AKNAD1: variants seen among roughly 807,000 people sequenced by gnomAD.
AKNAD1 encodes the protein AKNA domain containing 1.
A neutral mutation model predicts 90.8 loss-of-function variants in AKNAD1; 67 were observed. The observed-to-expected ratio is 0.74, with a 90% confidence interval of 0.61 to 0.90. The LOEUF is 0.90. Ranked by LOEUF, AKNAD1 falls within the 40% of genes least tolerant of loss-of-function variation. The pLI is 0.00. For synonymous variants in AKNAD1, 327 were observed against 341.4 expected (o/e 0.96, Z 0.46); for missense variants, 957 against 975.4 (o/e 0.98, Z 0.25).
At chr1:108,856,161 T>C (rs1665031789) in intron 1 of AKNAD1, among the ~76,000 whole-genome samples, 2 of 152,080 alleles carry the variant, frequency 1.3e-5, no homozygotes, top group Non-Finnish European at 2.9e-5. Context: ...CCTGAGAGTA[T>C]GTTTAAATGC....
In AKNAD1 at chr1:108,853,574, C is replaced by G. The variant is rs1038890920; in HGVS notation, c.-103-807G>C. ...GTGCCTTTTCACCTGTCCCTCCAGA[C>G]CTTCTGGTCCCCTTCTCCTGACTTT... On this transcript the variant is annotated intron_variant, in intron 1 of 15. Coordinates refer to ENST00000370001, the MANE Select transcript of AKNAD1 (RefSeq NM_152763.5). Among the ~76,000 whole-genome samples the G allele has an allele frequency of 5.3e-5, 8 of 152,210 alleles. 1 individual carries two copies. The highest frequency in any genetic ancestry group is 5.2e-4 in the Admixed American group (8 of 15,282).
chr1:108,840,037 C>T (rs1664497018), intron 6 of AKNAD1, among the ~76,000 whole-genome samples: 1 of 150,936 alleles, frequency 6.6e-6, no homozygotes. Context: ...AAAAAAAATG[C>T]TGTCTTTCAC....
At chr1:108,854,546 G>T (rs565949033) in intron 1 of AKNAD1, among the ~76,000 whole-genome samples, 2 of 152,210 alleles carry the variant, frequency 1.3e-5, no homozygotes, top group South Asian at 2.1e-4. Flanking sequence ...TGTGGTAAAA[G>T]CATCTGTGAG....
chr1:108,846,860 G>A (rs1004174759), intron 5 of AKNAD1, among the ~76,000 whole-genome samples: 5 of 151,898 alleles, frequency 3.3e-5, no homozygotes, highest in Non-Finnish European at 4.4e-5. Context: ...TCAACTTGAC[G>A]TCTTGCCTCC....
At chr1:108,828,058 C>A (rs1405621140) in intron 10 of AKNAD1, among the ~76,000 whole-genome samples, 1 of 150,790 alleles carries the variant, frequency 6.6e-6, no homozygotes, top group Non-Finnish European at 1.5e-5. Flanking sequence ...TCAAGGTCAG[C>A]CAGGGCAACA....
At chr1:108,836,681 T>G (rs955399505) in intron 7 of AKNAD1, 4 of 152,246 alleles carry the variant, frequency 2.6e-5, no homozygotes, top group Non-Finnish European at 4.4e-5. Context: ...AGTTTGAATA[T>G]CAGCCCCAGG....
In AKNAD1 at chr1:108,852,208, A is replaced by C. The variant is rs769702411; in HGVS notation, c.457T>G (p.Ser153Ala). 3.7e-6 allele frequency: 6 copies of C among 1,613,354 alleles called. No homozygotes were observed. The highest frequency in any genetic ancestry group is 5.1e-6 in the Non-Finnish European group (6 of 1,179,696). ...GGCCAAGAATTCTTATTATAACATG[A>C]AATAATACTTTTAATAATAGCTTCC... ...EEEAIIKSII[S>A]CYNKNSWPKE... The change falls in exon 2 of 16, where the codon TCA becomes GCA. Residue 153 changes from serine (S) to alanine (A), a missense_variant. Transcript: ENST00000370001.
chr1:108,824,701 G>GT (rs1379487490), intron 11 of AKNAD1, among the ~76,000 whole-genome samples: 4 of 151,122 alleles, frequency 2.6e-5, no homozygotes, highest in African/African-American at 7.3e-5. Context: ...AACCTTCTGT[G>GT]TTTTTTTTGT....
chr1:108,818,086 G>C (rs1690740), intron 14 of AKNAD1, among the ~76,000 whole-genome samples: 42,964 of 151,804 alleles, frequency 0.28, 6,791 homozygotes, highest in East Asian at 0.69. Context: ...ATGGCTCTAG[G>C]GGGTTATTTG....
intron 14 of AKNAD1, among the ~76,000 whole-genome samples, chr1:108,820,304 CT>C (rs1293963456): frequency 2.0e-4 from 31 of 152,330 alleles, no homozygotes; most frequent in African/African-American, 7.5e-4. Flanking sequence ...AAAAAGTAAG[CT>C]CTGTGAGGGC....
At chr1:108,843,392 A>C in intron 5 of AKNAD1, 125 bp from the exon 6 acceptor site, 2 of 1,233,662 alleles carry the variant, frequency 1.6e-6, no homozygotes, top group Non-Finnish European at 2.2e-6. Flanking sequence ...TTCTCCCAGC[A>C]GCATAAATTG....
chr1:108,850,902 T>C (rs1033489008), intron 2 of AKNAD1, among the ~76,000 whole-genome samples: 4 of 129,836 alleles, frequency 3.1e-5, no homozygotes, highest in South Asian at 3.1e-4. Flanking sequence ...GTGTGAGAAG[T>C]TGGCGTAAGG....
rs145026740 is a variant in AKNAD1, at chr1:108,820,585, A to C, written c.2209T>G (p.Ser737Ala). ...PKRICSQRVNSKSFKGEHEPT... is the reference protein window; with the variant it reads ...PKRICSQRVNAKSFKGEHEPT... ...TCATGTTCACCTTTAAAGGATTTTG[A>C]ATTCACTCTCTGAGAACAGATCCGT... is the stretch of plus-strand genomic sequence containing the variant. The change falls in exon 14 of 16, where the codon TCA (serine) becomes GCA (alanine). Residue 737 changes from serine (S) to alanine (A), a missense_variant. Transcript: ENST00000370001. The C allele has an allele frequency of 1.6e-5, 25 of 1,611,698 alleles. No homozygotes were observed. The African/African-American group carries it at 2.8e-4, about 18-fold the overall frequency.
At chr1:108,822,686 A>G (rs1475788042) in intron 13 of AKNAD1, among the ~76,000 whole-genome samples, 1 of 152,182 alleles carries the variant, frequency 6.6e-6, no homozygotes, top group African/African-American at 2.4e-5. Flanking sequence ...CCAAGGATGT[A>G]GCGCCTGTCA....
intron 5 of AKNAD1, among the ~76,000 whole-genome samples, chr1:108,847,434 T>C (rs1664732442): frequency 6.8e-6 from 1 of 146,940 alleles, no homozygotes; most frequent in Non-Finnish European, 1.5e-5. Flanking sequence ...AGTGACAGAA[T>C]GAGACCGTGT....
At chr1:108,842,294 T>C (rs1664576072) in intron 6 of AKNAD1, among the ~76,000 whole-genome samples, 1 of 152,202 alleles carries the variant, frequency 6.6e-6, no homozygotes, top group Admixed American at 6.5e-5. Flanking sequence ...AACAATTCCA[T>C]ATTAAAATGC....
At chr1:108,824,211 T>C (rs948037687) in intron 11 of AKNAD1, among the ~76,000 whole-genome samples, 2 of 152,204 alleles carry the variant, frequency 1.3e-5, no homozygotes, top group African/African-American at 4.8e-5. Context: ...ACAGCATGTG[T>C]ATCTGGTGCA....
At position 108,823,587 on chromosome 1, in the gene AKNAD1, A is replaced by C; in HGVS notation, c.2038T>G (p.Cys680Gly). ...TTACCTTTAGTTGGTTCTTTCCTGCAGGCTCTTCGGGAGGTAGGAATCTTA... is the reference window on the plus strand; with the variant it reads ...TTACCTTTAGTTGGTTCTTTCCTGCCGGCTCTTCGGGAGGTAGGAATCTTA... ...GTKIPTSRRA[C>G]RKEPTKEFHY... is the part of the protein sequence containing the mutation. Residue 680 changes from cysteine to glycine, a missense_variant, in exon 12 of 16, where the codon TGC becomes GGC. Coordinates refer to ENST00000370001, the MANE Select transcript of AKNAD1 (RefSeq NM_152763.5). 6.2e-7 allele frequency: 1 copy of C among 1,614,160 alleles called. No homozygotes were observed. Among genetic ancestry groups the C allele is most frequent in the Non-Finnish European group, 8.5e-7 (1 of 1,180,016 alleles).
At chr1:108,829,651 A>G (rs1385800299) in intron 10 of AKNAD1, among the ~76,000 whole-genome samples, 1 of 152,196 alleles carries the variant, frequency 6.6e-6, no homozygotes, top group East Asian at 1.9e-4. Flanking sequence ...GTGGACACTC[A>G]TTAGAACTCT....
Sources: gnomAD v4.1 joint callset for allele counts (sites outside exome capture counted in the v4.1 genomes callset) on GRCh38, gnomAD v4.1.1 for gene constraint, MANE v1.5 for transcripts, NCBI Gene and HGNC (gene_info 2026-07-23, HGNC 2026-07-21) for gene names.